The following TXLNB variants were observed in gnomAD, a reference collection of about 807,000 sequenced individuals.
The protein encoded by TXLNB is beta-taxilin.
In TXLNB, 37 loss-of-function variants were observed where a neutral mutation model predicts 57.4. The observed-to-expected ratio is 0.64, with a 90% CI of 0.50 to 0.85. The LOEUF is 0.85. TXLNB is among the 40% of genes least tolerant of loss of function. The probability of loss-of-function intolerance (pLI) is 0.00; values close to 1 mark genes in which losing one functional copy is unlikely to be tolerated. For missense variants in TXLNB, 848 were observed against 825.6 expected, an observed-to-expected ratio of 1.03 and a Z score of -0.33; for synonymous variants, 302 against 309.6, an observed-to-expected ratio of 0.98 and a Z score of 0.26.
chr6:139,174,350 A>G, the TXLNB span: 3 of 1,571,456 alleles, frequency 1.9e-6, no homozygotes, highest in Non-Finnish European at 2.6e-6. Context: ...GATTTCCATG[A>G]TGGCCACTCA....
At chr6:139,159,487 C>T in the TXLNB span, among the ~76,000 whole-genome samples, 1 of 151,972 alleles carries the variant, frequency 6.6e-6, no homozygotes, top group Non-Finnish European at 1.5e-5. Flanking sequence ...ACCTGGGTGC[C>T]ACAAGGAGGG....
chr6:139,275,226 A>C (rs974574393), intron 3 of TXLNB, among the ~76,000 whole-genome samples: 1 of 152,254 alleles, frequency 6.6e-6, no homozygotes, highest in African/African-American at 2.4e-5. Flanking sequence ...GTAAAGCAAA[A>C]CAGTGAGAGG....
chr6:139,288,447 A>C, intron 2 of TXLNB, 29 bp downstream of exon 2: 3 of 1,599,780 alleles, frequency 1.9e-6, no homozygotes, highest in Non-Finnish European at 1.7e-6. Flanking sequence ...CCATACAGAA[A>C]AGTCACATAT....
At chr6:139,185,411 T>A in the TXLNB span, among the ~76,000 whole-genome samples, 1 of 152,072 alleles carries the variant, frequency 6.6e-6, no homozygotes. Context: ...AAACACAGGA[T>A]AGAGTTGTGG....
chr6:139,313,351 C>T, the TXLNB span, among the ~76,000 whole-genome samples: 1 of 152,094 alleles, frequency 6.6e-6, no homozygotes, highest in African/African-American at 2.4e-5. Flanking sequence ...GGATTACAGG[C>T]GTGAGCCGCT....
chr6:139,202,612 C>T, the TXLNB span, among the ~76,000 whole-genome samples: 12 of 152,086 alleles, frequency 7.9e-5, no homozygotes, highest in Non-Finnish European at 1.5e-4. Flanking sequence ...TTATAAAGTA[C>T]AGTGTGATAT....
the TXLNB span, among the ~76,000 whole-genome samples, chr6:139,195,156 C>G: frequency 1.3e-5 from 2 of 152,260 alleles, no homozygotes; most frequent in Non-Finnish European, 2.9e-5. Flanking sequence ...GCCCCTTCCC[C>G]CATCTTGAAT....
At chr6:139,284,548 A>G (rs1777128979) in intron 2 of TXLNB, among the ~76,000 whole-genome samples, 1 of 145,376 alleles carries the variant, frequency 6.9e-6, no homozygotes. Context: ...GTAAATAAAT[A>G]AAAATAAATA....
chr6:139,216,581 A>T, the TXLNB span, among the ~76,000 whole-genome samples: 27 of 152,230 alleles, frequency 1.8e-4, no homozygotes, highest in African/African-American at 5.8e-4. Context: ...CATATGTAAC[A>T]AACTTGCACG....
the TXLNB span, among the ~76,000 whole-genome samples, chr6:139,161,213 G>C: frequency 6.6e-6 from 1 of 152,154 alleles, no homozygotes; most frequent in East Asian, 1.9e-4. Flanking sequence ...CATTTTGCCT[G>C]TCTCCCTGGG....
chr6:139,311,316 CAT>C, the TXLNB span, among the ~76,000 whole-genome samples: 2 of 148,244 alleles, frequency 1.3e-5, no homozygotes, highest in Non-Finnish European at 3.0e-5. Flanking sequence ...ATCTCTGAGC[CAT>C]ATCTTTCTTT....
chr6:139,195,372 A>C, the TXLNB span, among the ~76,000 whole-genome samples: 8 of 152,210 alleles, frequency 5.3e-5, no homozygotes, highest in Non-Finnish European at 1.0e-4. Flanking sequence ...ACCTAGGCCC[A>C]TGTAAGATGT....
the TXLNB span, among the ~76,000 whole-genome samples, chr6:139,175,258 G>C: frequency 2.6e-3 from 393 of 152,286 alleles, 3 homozygotes; most frequent in African/African-American, 9.0e-3. Flanking sequence ...AAAACAGCTT[G>C]TTAGGTAATT....
At chr6:139,309,929 C>T in the TXLNB span, among the ~76,000 whole-genome samples, 1 of 152,102 alleles carries the variant, frequency 6.6e-6, no homozygotes, top group Non-Finnish European at 1.5e-5. Flanking sequence ...TTACCATATG[C>T]AAAAGAATGA....
intron 2 of TXLNB, chr6:139,277,175 G>T (rs1348002951): frequency 5.6e-6 from 2 of 358,116 alleles, no homozygotes; most frequent in Non-Finnish European, 9.9e-6. Flanking sequence ...TATAACAGAA[G>T]TCTCCCAGTT....
chr6:139,301,833 C>G, the TXLNB span, among the ~76,000 whole-genome samples: 1 of 152,052 alleles, frequency 6.6e-6, no homozygotes, highest in Non-Finnish European at 1.5e-5. Flanking sequence ...ACTTAGTAAG[C>G]AACTCTGTGT....
chr6:139,253,071 G>A (rs1041466634), intron 7 of TXLNB, among the ~76,000 whole-genome samples: 12 of 152,122 alleles, frequency 7.9e-5, no homozygotes, highest in African/African-American at 2.9e-4. Context: ...CCTTACCTAT[G>A]AAATAATACT....
At chr6:139,318,170 T>C in the TXLNB span, among the ~76,000 whole-genome samples, 3 of 147,496 alleles carry the variant, frequency 2.0e-5, no homozygotes, top group African/African-American at 7.6e-5. Flanking sequence ...CTTGGGAGGC[T>C]GAGGCAGGAG....
chr6:139,236,394 A>G (rs1352026542), downstream of TXLNB, among the ~76,000 whole-genome samples: 1 of 152,148 alleles, frequency 6.6e-6, no homozygotes, highest in Non-Finnish European at 1.5e-5. Flanking sequence ...AGGGCACCAA[A>G]GAAGCGAGCC....
Sources: allele counts gnomAD v4.1 joint callset (sites outside exome capture counted in the v4.1 genomes callset), GRCh38; gene constraint gnomAD v4.1.1; transcripts MANE v1.5; gene names NCBI Gene and HGNC (gene_info 2026-07-23, HGNC 2026-07-21).